MZF1: variants seen among roughly 807,000 people sequenced by gnomAD.
MZF1 encodes the protein myeloid zinc finger 1.
In MZF1, 24 loss-of-function variants were observed where a neutral mutation model predicts 28.6. That is an observed-to-expected ratio of 0.84 (90% CI 0.61 to 1.18). The LOEUF (loss-of-function observed/expected upper bound fraction) is 1.18, where lower values mean the gene tolerates loss of function less well. MZF1 is among the 50% of genes most tolerant of loss of function. The probability of loss-of-function intolerance (pLI) is 0.00; values close to 1 mark genes in which losing one functional copy is unlikely to be tolerated. For missense variants in MZF1, 1,166 were observed against 1,026.4 expected, an observed-to-expected ratio of 1.14 and a Z score of -1.86; for synonymous variants, 516 against 432.5, an observed-to-expected ratio of 1.19 and a Z score of -2.40.
At chr19:58,568,031 A>AT (rs1331189826) in intron 5 of MZF1, 1 of 152,234 alleles carries the variant, frequency 6.6e-6, no homozygotes, top group East Asian at 1.9e-4. Context: ...GAAGCCAGGA[A>AT]TTTAAGACCA....
rs775255906 is a variant in MZF1, at chr19:58,571,040, G to A, written c.350C>T (p.Ala117Val). 19 of 1,612,862 alleles carry A rather than the reference G, an allele frequency of 1.2e-5. No homozygotes were observed. Among genetic ancestry groups the A allele is most frequent in the Non-Finnish European group, 1.6e-5 (19 of 1,179,632 alleles). Reference protein sequence around the residue: ...QRPGSPEEAAALVDGLRREPG... With the variant: ...QRPGSPEEAAVLVDGLRREPG... ...CTCCCGGCGCAGCCCATCTACTAGG[G>A]CAGCAGCCTCCTCGGGGCTGCCTGG... Residue 117 changes from alanine (A) to valine (V), a missense_variant, in exon 2 of 6, where the codon GCC becomes GTC. Coordinates refer to ENST00000215057, the MANE Select transcript of MZF1 (RefSeq NM_198055.2).
chr19:58,571,122 C>T lies in MZF1; in HGVS notation c.268G>A (p.Glu90Lys). The T allele has an allele frequency of 6.2e-7, 1 of 1,614,060 alleles. No homozygotes were observed. Among genetic ancestry groups the T allele is most frequent in the Non-Finnish European group, 8.5e-7 (1 of 1,180,022 alleles). ...KEQMLELLVL[E>K]QFLGALPPEI... ...GGGGGCAGTGCGCCCAGGAACTGCT[C>T]CAGCACCAACAGCTCCAGCATCTGC... Residue 90 changes from glutamate (E) to lysine (K), a missense_variant, in exon 2 of 6, where the codon GAG becomes AAG. Transcript: ENST00000215057.
In MZF1 at chr19:58,571,256, A is replaced by G. The variant is rs763672659; in HGVS notation, c.134T>C (p.Leu45Pro). 1 of 1,613,034 alleles carries G rather than the reference A, an allele frequency of 6.2e-7. No homozygotes were observed. Among genetic ancestry groups the G allele is most frequent in the South Asian group, 1.1e-5 (1 of 90,908 alleles). The change falls in exon 2 of 6, where the codon CTG (leucine) becomes CCG (proline). Residue 45 changes from leucine (L) to proline (P), a missense_variant. By Grantham distance (98) the Leu-to-Pro change is moderately conservative. Transcript: ENST00000215057. ...CTCATAGCGGAAGCACCGGAAACGC[A>G]GGCGTGCAGCTTCAGGGCCTGGGTC... ...LWDPGPEAARLRFRCFRYEEA... is the reference protein window; with the variant it reads ...LWDPGPEAARPRFRCFRYEEA...
Position 58,563,149 on chromosome 19 carries a change from C to G in MZF1, c.1128G>C (p.Lys376Asn), listed in dbSNP as rs1163205106. The change falls in exon 6 of 6, where the codon AAG (lysine) becomes AAC (asparagine). Residue 376 changes from lysine (K) to asparagine (N), a missense_variant. Physicochemically the swap from Lys to Asn is moderately conservative, Grantham distance 94 (BLOSUM62 0). Coordinates refer to ENST00000215057, the MANE Select transcript of MZF1 (RefSeq NM_198055.2). The stretch of plus-strand genomic sequence containing the variant: ...CGAATGGTCGCTCACCCGTGTGGAT[C>G]TTCTGGTGCCTCAGCAGGTTGCTGC... Reference protein sequence around the residue: ...SQRSNLLRHQKIHTGERPFVC... With the variant: ...SQRSNLLRHQNIHTGERPFVC... The G allele has an allele frequency of 1.2e-6, 2 of 1,609,536 alleles. No homozygotes were observed. The highest frequency in any genetic ancestry group is 3.3e-5 in the Admixed American group (2 of 59,968).
intron 1 of MZF1, 193 bp from the exon 2 acceptor site, chr19:58,571,622 GTCTTC>G: frequency 1.7e-6 from 1 of 576,934 alleles, no homozygotes; most frequent in Non-Finnish European, 3.1e-6. Flanking sequence ...TGTATCCCTG[GTCTTC>G]TCTCCGCTTG....
rs1234365869 is a variant in MZF1 at position 58,562,207 on chromosome 19, G to A, written c.2070C>T (p.Phe690=). ...PYACPECGKA[F]RQRPTLTQHL... The stretch of plus-strand genomic sequence containing the variant: ...GCTGCGTGAGCGTGGGCCGCTGGCG[G>A]AAGGCCTTGCCACACTCAGGGCATG... Residue 690 remains phenylalanine, a synonymous_variant, in exon 6 of 6, where the codon TTC becomes TTT. Transcript: ENST00000215057. 1.2e-6 allele frequency: 2 copies of A among 1,608,736 alleles called. No homozygotes were observed. The highest frequency in any genetic ancestry group is 1.7e-5 in the Admixed American group (1 of 59,762).
In MZF1 at chr19:58,563,176, T is replaced by C. The variant is rs1457170173; in HGVS notation, c.1101A>G (p.Gln367=). 5 of 1,610,730 alleles carry C rather than the reference T, an allele frequency of 3.1e-6. No individual in the cohort carries two copies. The highest frequency in any genetic ancestry group is 2.7e-5 in the African/African-American group (2 of 74,912). ...TCTGGTGCCTCAGCAGGTTGCTGCGTTGGCTGAACACCTTGCCACATACAT... is the reference window on the plus strand; with the variant it reads ...TCTGGTGCCTCAGCAGGTTGCTGCGCTGGCTGAACACCTTGCCACATACAT... ...RCDVCGKVFS[Q]RSNLLRHQKI... The change falls in exon 6 of 6, where the codon CAA becomes CAG. Residue 367 remains glutamine, a synonymous_variant. Transcript: ENST00000215057.
chr19:58,564,902 G>GGTTT lies in MZF1; in HGVS notation c.773-1399_773-1398insAAAC, dbSNP rs1872485914. Among the ~76,000 whole-genome samples, 205 of 41,992 alleles carry GGTTT rather than the reference G, an allele frequency of 4.9e-3. 6 individuals carry two copies. The highest frequency in any genetic ancestry group is 0.02 in the Middle Eastern group (1 of 50). 27.5% of individuals were successfully genotyped at this position (41,992 alleles called of 152,430 possible). A position where few individuals can be genotyped will look rare whatever the true frequency, so the allele number is the denominator to read the frequency against. Reference sequence around the variant, plus strand: ...GTGGAGAATAAGCATCCATGTGTGTGTTTTTTTTTTTTTTTTTTTTTTTTT... The same window carrying GGTTT: ...GTGGAGAATAAGCATCCATGTGTGTGGTTTTTTTTTTTTTTTTTTTTTTTTTTTT... On this transcript the variant is annotated intron_variant, in intron 5 of 5. Coordinates refer to ENST00000215057, the MANE Select transcript of MZF1 (RefSeq NM_198055.2).
intron 5 of MZF1, 22 bp from the exon 6 acceptor site, chr19:58,563,526 T>C: frequency 2.0e-6 from 3 of 1,501,446 alleles, no homozygotes; most frequent in Middle Eastern, 1.7e-4. Context: ...AGGGGACCAT[T>C]CATTCATGAC....
rs760454032 is a variant in MZF1 at position 58,563,254 on chromosome 19, C to T, written c.1023G>A (p.Arg341=). ...ITTRWRSPRG[R]SRGRPSTGGG... ...CCCCAGTGCTGGGGCGGCCCCGGCT[C>T]CGGCCCCTGGGGGAGCGCCAGCGGG... is the stretch of plus-strand genomic sequence containing the variant. The change falls in exon 6 of 6, where the codon CGG becomes CGA. Residue 341 remains arginine, a synonymous_variant. Transcript: ENST00000215057. 3 of 1,607,916 alleles carry T rather than the reference C, an allele frequency of 1.9e-6. No individual in the cohort carries two copies. The highest frequency in any genetic ancestry group is 2.2e-5 in the South Asian group (2 of 90,486).
At position 58,571,092 on chromosome 19, in the gene MZF1, T is replaced by C; in HGVS notation, c.298A>G (p.Ile100Val). The C allele has an allele frequency of 1.9e-6, 3 of 1,613,794 alleles. No homozygotes were observed. The highest frequency in any genetic ancestry group is 2.5e-6 in the Non-Finnish European group (3 of 1,179,956). ...CGCTGCCCCTGCACACGGGCCTGGA[T>C]CTCAGGGGGCAGTGCGCCCAGGAAC... ...EQFLGALPPE[I>V]QARVQGQRPG... Residue 100 changes from isoleucine (I) to valine (V), a missense_variant, in exon 2 of 6, where the codon ATC becomes GTC. Transcript: ENST00000215057.
chr19:58,564,918 T>TG (rs2054015643), intron 5 of MZF1, among the ~76,000 whole-genome samples: 5 of 121,874 alleles, frequency 4.1e-5, no homozygotes, highest in East Asian at 4.9e-4. Flanking sequence ...TTTTTTTTTT[T>TG]TTTTTTTTTT....
intron 2 of MZF1, 115 bp downstream of exon 2, chr19:58,570,879 G>T: frequency 1.7e-6 from 2 of 1,194,396 alleles, no homozygotes; most frequent in Non-Finnish European, 2.3e-6. Context: ...GTTGCAGGTG[G>T]CCACTTCTGT....
rs935907450 is a variant in MZF1 at position 58,562,871 on chromosome 19, C to T, written c.1406G>A (p.Gly469Asp). The change falls in exon 6 of 6, where the codon GGC (glycine) becomes GAC (aspartate). Residue 469 changes from glycine to aspartate, a missense_variant. Coordinates refer to ENST00000215057, the MANE Select transcript of MZF1 (RefSeq NM_198055.2). The stretch of plus-strand genomic sequence containing the variant: ...ACCAGGAGGGGCCGGGGGCTTAGCG[C>T]CAGGGCCCGGGGGATCGCCGTGGAT... ...QRIHGDPPGP[G>D]AKPPAPPGAP... 1 of 1,542,214 alleles carries T rather than the reference C, an allele frequency of 6.5e-7. No individual in the cohort carries two copies. The highest frequency in any genetic ancestry group is 8.7e-7 in the Non-Finnish European group (1 of 1,151,544).
Position 58,561,965 on chromosome 19 carries a change from G to A in MZF1, c.*107C>T. On this transcript the variant is annotated 3_prime_UTR_variant, in exon 6 of 6. Coordinates refer to ENST00000215057, the MANE Select transcript of MZF1 (RefSeq NM_198055.2). ...TACTGTTTATTGGACACCTACAGTA[G>A]CCAAGCCCTGGGCGGACCTGCTTAT... The A allele has an allele frequency of 1.7e-6, 2 of 1,199,876 alleles. No individual in the cohort carries two copies. Among genetic ancestry groups the A allele is most frequent in the South Asian group, 1.5e-5 (1 of 66,972 alleles). The allele number at this position is 1,199,876 out of a possible 1,614,324, so 74.3% of individuals were successfully genotyped here. A position where few individuals can be genotyped will look rare whatever the true frequency, so the allele number is the denominator to read the frequency against.
chr19:58,572,834 A>G (rs1375917069), intron 1 of MZF1: 9 of 325,250 alleles, frequency 2.8e-5, no homozygotes, highest in South Asian at 1.6e-4. Flanking sequence ...GTAGGTCCAG[A>G]CGACGCCTAG....
chr19:58,562,439 G>A lies in MZF1; in HGVS notation c.1838C>T (p.Thr613Met). ...GCCGGTGTGTGTCCTCTGATGACGC[G>A]TGAGCTTGAGGCGCTGGCTGAAGCG... is the stretch of plus-strand genomic sequence containing the variant. ...GQRFSQRLKL[T>M]RHQRTHTGEK... is the part of the protein sequence containing the mutation. The change falls in exon 6 of 6, where the codon ACG becomes ATG. Residue 613 changes from threonine (T) to methionine (M), a missense_variant. Thr to Met is a moderately conservative substitution (Grantham distance 81). Coordinates refer to ENST00000215057, the MANE Select transcript of MZF1 (RefSeq NM_198055.2). 1.9e-6 allele frequency: 3 copies of A among 1,611,302 alleles called. No homozygotes were observed. Among genetic ancestry groups the A allele is most frequent in the Non-Finnish European group, 2.5e-6 (3 of 1,179,240 alleles).
In MZF1 at chr19:58,571,098, G is replaced by A. The variant is rs1181987770; in HGVS notation, c.292C>T (p.Pro98Ser). The change falls in exon 2 of 6, where the codon CCT becomes TCT. Residue 98 changes from proline to serine, a missense_variant. Coordinates refer to ENST00000215057, the MANE Select transcript of MZF1 (RefSeq NM_198055.2). ...CCCTGCACACGGGCCTGGATCTCAG[G>A]GGGCAGTGCGCCCAGGAACTGCTCC... is the stretch of plus-strand genomic sequence containing the variant. Reference protein sequence around the residue: ...VLEQFLGALPPEIQARVQGQR... With the variant: ...VLEQFLGALPSEIQARVQGQR... The A allele has an allele frequency of 1.2e-6, 2 of 1,613,882 alleles. No homozygotes were observed. Among genetic ancestry groups the A allele is most frequent in the Non-Finnish European group, 1.7e-6 (2 of 1,179,982 alleles).
intron 1 of MZF1, among the ~76,000 whole-genome samples, chr19:58,572,121 A>G (rs996717667): frequency 2.0e-5 from 3 of 152,052 alleles, no homozygotes; most frequent in Non-Finnish European, 4.4e-5. Flanking sequence ...CATCAGCATC[A>G]CTGCTGGCGT....
Sources: allele counts gnomAD v4.1 joint callset (sites outside exome capture counted in the v4.1 genomes callset), GRCh38; gene constraint gnomAD v4.1.1; transcripts MANE v1.5; gene names NCBI Gene and HGNC (gene_info 2026-07-23, HGNC 2026-07-21).